The following DENR variants were observed in gnomAD, a reference collection of about 807,000 sequenced individuals.
DENR encodes density-regulated protein.
A neutral mutation model predicts 30.6 loss-of-function variants in DENR; 6 were observed. The ratio of observed to expected loss-of-function variants is 0.20; its 90% CI spans 0.11 to 0.39. The LOEUF (loss-of-function observed/expected upper bound fraction) is 0.39. DENR is among the 10% of genes least tolerant of loss of function. The probability of loss-of-function intolerance (pLI) is 1.00; values close to 1 mark genes in which losing one functional copy is unlikely to be tolerated. For missense variants in DENR, 141 were observed against 230.9 expected (o/e 0.61, Z 2.52); for synonymous variants, 78 against 72.1 (o/e 1.08, Z -0.41).
chr12:122,766,614 A>G (rs1234380970), intron 5 of DENR, among the ~76,000 whole-genome samples: 3 of 152,200 alleles, frequency 2.0e-5, no homozygotes, highest in Non-Finnish European at 2.9e-5. Context: ...TCGAGTCTCA[A>G]GTCCCAAACT....
At chr12:122,767,692 T>C in intron 6 of DENR, 88 bp downstream of exon 6, 1 of 668,788 alleles carries the variant, frequency 1.5e-6, no homozygotes. Context: ...CTCTCTCACA[T>C]ACCATGAAAA....
In DENR at chr12:122,768,798, A is replaced by G; in HGVS notation, c.429A>G (p.Glu143=). The change falls in exon 7 of 8, where the codon GAA becomes GAG. Residue 143 remains glutamate (E), a synonymous_variant. Coordinates refer to ENST00000280557, the MANE Select transcript of DENR (RefSeq NM_003677.5). ...AAAAAATAGAAATTGATCTTAAAGA[A>G]GCACAAAGATTTTTTGCTCAAAAAT... ...GLATFEIDLK[E]AQRFFAQKFS... is the part of the protein sequence containing the mutation. The G allele has an allele frequency of 6.3e-7, 1 of 1,577,102 alleles. No homozygotes were observed. The highest frequency in any genetic ancestry group is 2.3e-5 in the East Asian group (1 of 43,872).
chr12:122,762,302 T>C (rs1002731626), intron 3 of DENR, 96 bp downstream of exon 3: 27 of 881,394 alleles, frequency 3.1e-5, no homozygotes, highest in Non-Finnish European at 4.4e-5. Flanking sequence ...TCATTTTTGA[T>C]TATTTGATAG....
At position 122,753,824 on chromosome 12, in the gene DENR, A is replaced by C; in HGVS notation, c.106+17A>C. On this transcript the variant is annotated intron_variant, in intron 2 of 7. Coordinates refer to ENST00000280557, the MANE Select transcript of DENR (RefSeq NM_003677.5). ...ATTGTGGAGGCAAGTGTTGGTAGCC[A>C]CAGAATGACTTTTACTCACTATACT... The C allele has an allele frequency of 1.3e-6, 2 of 1,587,772 alleles. No homozygotes were observed. The highest frequency in any genetic ancestry group is 1.7e-6 in the Non-Finnish European group (2 of 1,157,026).
At position 122,769,268 on chromosome 12, in the gene DENR, A is replaced by T; in HGVS notation, c.*190A>T. 1 of 753,284 alleles carries T rather than the reference A, an allele frequency of 1.3e-6. No individual in the cohort carries two copies. Among genetic ancestry groups the T allele is most frequent in the Non-Finnish European group, 1.7e-6 (1 of 605,150 alleles). The allele number at this position is 753,284 out of a possible 1,614,324, so 46.7% of individuals were successfully genotyped here. A position where few individuals can be genotyped will look rare whatever the true frequency, so the allele number is the denominator to read the frequency against. ...CATGTATATATATATACATACACAT[A>T]TATGTATACATATATACACATATAT... On this transcript the variant is annotated 3_prime_UTR_variant, in exon 8 of 8. Transcript: ENST00000280557.
In DENR at chr12:122,769,494, T is replaced by C. The variant is rs985098489; in HGVS notation, c.*416T>C. ...AAATTTTGGTCATTTGGTACTGACT[T>C]TCTCTCTCTCTCTCTCTCTCTTTTT... On this transcript the variant is annotated 3_prime_UTR_variant, in exon 8 of 8. Transcript: ENST00000280557. 131 of 894,680 alleles carry C rather than the reference T, an allele frequency of 1.5e-4. No homozygotes were observed. Among genetic ancestry groups the C allele is most frequent in the Non-Finnish European group, 1.7e-4 (127 of 750,940 alleles). 55.4% of individuals were successfully genotyped at this position (894,680 alleles called of 1,614,324 possible).
At chr12:122,761,018 C>T (rs1878685602) in intron 2 of DENR, among the ~76,000 whole-genome samples, 1 of 152,126 alleles carries the variant, frequency 6.6e-6, no homozygotes, top group Admixed American at 6.5e-5. Context: ...GAGGCTGAAG[C>T]GGGAGGATTA....
In DENR at chr12:122,769,385, C is replaced by A. The variant is rs1012242225; in HGVS notation, c.*307C>A. 5.8e-5 allele frequency: 57 copies of A among 989,134 alleles called. No homozygotes were observed. Among genetic ancestry groups the A allele is most frequent in the Non-Finnish European group, 6.4e-5 (53 of 832,674 alleles). 61.3% of individuals were successfully genotyped at this position (989,134 alleles called of 1,614,324 possible). On this transcript the variant is annotated 3_prime_UTR_variant, in exon 8 of 8. Coordinates refer to ENST00000280557, the MANE Select transcript of DENR (RefSeq NM_003677.5). Reference sequence around the variant, plus strand: ...TCCTTGGCATTTTCACTGTTCTGTACAAGGCTGCTTGTTTTTTTATTGCCA... The same window carrying A: ...TCCTTGGCATTTTCACTGTTCTGTAAAAGGCTGCTTGTTTTTTTATTGCCA...
rs1878972644 is a variant in DENR at position 122,769,497 on chromosome 12, TC to T, written c.*420del. ...TTTTGGTCATTTGGTACTGACTTTCTCTCTCTCTCTCTCTCTCTTTTTTTTT... is the reference window on the plus strand; with the variant it reads ...TTTTGGTCATTTGGTACTGACTTTCTTCTCTCTCTCTCTCTCTTTTTTTTT... On this transcript the variant is annotated 3_prime_UTR_variant, in exon 8 of 8. Coordinates refer to ENST00000280557, the MANE Select transcript of DENR (RefSeq NM_003677.5). 2 of 967,250 alleles carry T rather than the reference TC, an allele frequency of 2.1e-6. No homozygotes were observed. Among genetic ancestry groups the T allele is most frequent in the Non-Finnish European group, 2.4e-6 (2 of 819,156 alleles). The allele number at this position is 967,250 out of a possible 1,614,324, so 59.9% of individuals were successfully genotyped here.
intron 5 of DENR, 86 bp downstream of exon 5, chr12:122,765,473 T>G: frequency 1.6e-6 from 2 of 1,245,778 alleles, no homozygotes; most frequent in Non-Finnish European, 2.3e-6. Flanking sequence ...TTCCCAAAGC[T>G]AGGCACAATG....
chr12:122,766,077 C>G (rs543679924), intron 5 of DENR, among the ~76,000 whole-genome samples: 1 of 151,728 alleles, frequency 6.6e-6, no homozygotes, highest in African/African-American at 2.4e-5. Flanking sequence ...CTCCCCAAAG[C>G]TCATGTCTTT....
At chr12:122,757,169 C>T (rs1566058807) in intron 2 of DENR, among the ~76,000 whole-genome samples, 1 of 152,198 alleles carries the variant, frequency 6.6e-6, no homozygotes, top group African/African-American at 2.4e-5. Context: ...TTCCTTCCCC[C>T]TCCCTCCCTT....
chr12:122,754,141 G>A, intron 2 of DENR: 4 of 312,132 alleles, frequency 1.3e-5, no homozygotes, highest in Non-Finnish European at 1.3e-5. Context: ...GGCAAGGACT[G>A]GATGAGAAGG....
chr12:122,758,229 G>A (rs1242858362), intron 2 of DENR, among the ~76,000 whole-genome samples: 1 of 152,102 alleles, frequency 6.6e-6, no homozygotes, highest in Non-Finnish European at 1.5e-5. Flanking sequence ...CTGCCACCGT[G>A]CCTGGCTGAT....
At chr12:122,758,907 C>T (rs1878623707) in intron 2 of DENR, among the ~76,000 whole-genome samples, 1 of 149,788 alleles carries the variant, frequency 6.7e-6, no homozygotes, top group Non-Finnish European at 1.5e-5. Context: ...AGTGCAGTGG[C>T]AGTCTCAGCT....
At chr12:122,762,763 G>A in intron 3 of DENR, 82 bp from the exon 4 acceptor site, 1 of 909,912 alleles carries the variant, frequency 1.1e-6, no homozygotes. Context: ...GTATTAACAA[G>A]TATAGGGGGT....
chr12:122,768,479 C>T (rs866278398), intron 6 of DENR, among the ~76,000 whole-genome samples: 3 of 151,140 alleles, frequency 2.0e-5, no homozygotes, highest in East Asian at 1.9e-4. Flanking sequence ...GTCTGGGCAA[C>T]AGAGCAAGAC....
In DENR at chr12:122,770,564, G is replaced by T; in HGVS notation, c.*1486G>T. 2.5e-6 allele frequency: 1 copy of T among 398,336 alleles called. No homozygotes were observed. Among genetic ancestry groups the T allele is most frequent in the South Asian group, 1.3e-4 (1 of 7,814 alleles). 24.7% of individuals were successfully genotyped at this position (398,336 alleles called of 1,614,324 possible). ...ATATATAGTCCTGGAAATAGCAATTGAAACATGTCTTCTCACAAGAGAAAA... is the reference window on the plus strand; with the variant it reads ...ATATATAGTCCTGGAAATAGCAATTTAAACATGTCTTCTCACAAGAGAAAA... On this transcript the variant is annotated 3_prime_UTR_variant, in exon 8 of 8. Transcript: ENST00000280557.
rs1878477915 is a variant in DENR, at chr12:122,753,790, G to T, written c.89G>T (p.Arg30Leu). Reference protein sequence around the residue: ...SAKLDADYPLRVLYCGVCSLP... With the variant: ...SAKLDADYPLLVLYCGVCSLP... Reference sequence around the variant, plus strand: ...AAGTTAGATGCCGATTACCCACTTCGAGTCCTTTATTGTGGAGGCAAGTGT... The same window carrying T: ...AAGTTAGATGCCGATTACCCACTTCTAGTCCTTTATTGTGGAGGCAAGTGT... Residue 30 changes from arginine (R) to leucine (L), a missense_variant, in exon 2 of 8, where the codon CGA becomes CTA. By Grantham distance (102) the Arg-to-Leu change is moderately radical. This residue lies in a region of DENR where 104 missense variants were observed against 138.3 expected (regional missense o/e 0.75). Transcript: ENST00000280557. 4 of 1,613,708 alleles carry T rather than the reference G, an allele frequency of 2.5e-6. No homozygotes were observed. The highest frequency in any genetic ancestry group is 3.4e-6 in the Non-Finnish European group (4 of 1,179,754).
Sources: allele counts gnomAD v4.1 joint callset (sites outside exome capture counted in the v4.1 genomes callset), GRCh38; gene constraint gnomAD v4.1.1; regional missense constraint gnomAD v4.1.1; transcripts MANE v1.5; gene names NCBI Gene and HGNC (gene_info 2026-07-23, HGNC 2026-07-21).